Variants in STAG1 observed in about 807,000 individuals in gnomAD.
STAG1 encodes cohesin subunit SA-1.
A neutral mutation model predicts 170.9 loss-of-function variants in STAG1; 26 were observed. That is an observed-to-expected ratio of 0.15 (90% CI 0.11 to 0.21). The LOEUF (loss-of-function observed/expected upper bound fraction) is 0.21. Ranked by LOEUF, STAG1 falls within the 10% of genes least tolerant of loss-of-function variation. The pLI, the probability that STAG1 is intolerant of heterozygous loss-of-function variation, is 1.00. For synonymous variants in STAG1, 514 were observed against 497.7 expected (o/e 1.03, Z -0.44); for missense variants, 964 against 1,509.5 (o/e 0.64, Z 5.99).
chr3:136,709,193 G>A (rs1433624399), intron 1 of STAG1, among the ~76,000 whole-genome samples: 2 of 151,948 alleles, frequency 1.3e-5, no homozygotes, highest in Non-Finnish European at 2.9e-5. Context: ...AGGAGGCTGA[G>A]GCAGGAGATT....
At chr3:136,396,233 T>TG (rs2087150853) in intron 22 of STAG1, among the ~76,000 whole-genome samples, 1 of 145,832 alleles carries the variant, frequency 6.9e-6, no homozygotes, top group Admixed American at 6.9e-5. Context: ...TTTTTTTTTT[T>TG]GAGACAGAGT....
At chr3:136,716,949 A>T (rs1943555766) in intron 1 of STAG1, among the ~76,000 whole-genome samples, 1 of 152,246 alleles carries the variant, frequency 6.6e-6, no homozygotes, top group South Asian at 2.1e-4. Flanking sequence ...ATTACTTCAC[A>T]GTTACGAATT....
chr3:136,369,115 C>G lies in STAG1; in HGVS notation c.2538G>C (p.Gln846His). ...GATGATAGCTACAAGTACCCATGCT[C>G]TGGTTCTCCTCGTCTTGGTCAATAA... ...HVFIDQDEEN[Q>H]SMEGDEEDEA... is the part of the protein sequence containing the mutation. Residue 846 changes from glutamine to histidine, a missense_variant, in exon 24 of 34, where the codon CAG becomes CAC. Physicochemically the swap from Gln to His is conservative, Grantham distance 24 (BLOSUM62 0). Coordinates refer to ENST00000383202, the MANE Select transcript of STAG1 (RefSeq NM_005862.3). 6.5e-7 allele frequency: 1 copy of G among 1,535,498 alleles called. No homozygotes were observed. The highest frequency in any genetic ancestry group is 8.7e-7 in the Non-Finnish European group (1 of 1,146,540).
chr3:136,525,458 T>C (rs1039428686), intron 6 of STAG1, among the ~76,000 whole-genome samples: 2 of 152,208 alleles, frequency 1.3e-5, no homozygotes, highest in Non-Finnish European at 2.9e-5. Flanking sequence ...TTATCATTTT[T>C]TATTGCGTCT....
intron 21 of STAG1, among the ~76,000 whole-genome samples, chr3:136,399,577 C>T (rs1030288046): frequency 6.6e-6 from 1 of 152,006 alleles, no homozygotes; most frequent in African/African-American, 2.4e-5. Context: ...TTTTTAGTTC[C>T]GTGTAATATT....
At chr3:136,362,010 CA>C (rs758225380) in intron 26 of STAG1, among the ~76,000 whole-genome samples, 7 of 152,002 alleles carry the variant, frequency 4.6e-5, no homozygotes, top group Admixed American at 1.3e-4. Context: ...GGCTGGAGTG[CA>C]ATGGCATGAT....
At chr3:136,386,236 G>C (rs2086870446) in intron 22 of STAG1, among the ~76,000 whole-genome samples, 1 of 152,146 alleles carries the variant, frequency 6.6e-6, no homozygotes, top group Non-Finnish European at 1.5e-5. Flanking sequence ...CTACTCAGGA[G>C]GCTGAGGCAG....
At chr3:136,373,382 G>T (rs919431309) in intron 23 of STAG1, among the ~76,000 whole-genome samples, 25 of 151,766 alleles carry the variant, frequency 1.6e-4, no homozygotes, top group African/African-American at 2.4e-4. Flanking sequence ...ATTTCTTGCC[G>T]TCTGCTAGCT....
intron 15 of STAG1, 112 bp downstream of exon 15, chr3:136,443,175 A>G: frequency 1.6e-6 from 1 of 620,390 alleles, no homozygotes; most frequent in Non-Finnish European, 2.7e-6. Context: ...CTCTTGGCAA[A>G]AAGACACAAC....
At chr3:136,717,524 T>C (rs1943572706) in intron 1 of STAG1, among the ~76,000 whole-genome samples, 2 of 151,898 alleles carry the variant, frequency 1.3e-5, no homozygotes, top group Non-Finnish European at 2.9e-5. Flanking sequence ...ATTAACCGAG[T>C]GTGGTGACAG....
intron 22 of STAG1, among the ~76,000 whole-genome samples, chr3:136,397,905 TTCACTTTGTGTC>T (rs1475129692): frequency 6.6e-6 from 1 of 152,184 alleles, no homozygotes; most frequent in African/African-American, 2.4e-5. Flanking sequence ...AAGAGGGTTG[TTCACTTTGTGTC>T]TCTAGGTATC....
intron 1 of STAG1, among the ~76,000 whole-genome samples, chr3:136,673,295 A>AT (rs990177005): frequency 2.6e-5 from 4 of 152,198 alleles, no homozygotes; most frequent in African/African-American, 9.6e-5. Flanking sequence ...AATGTACTGA[A>AT]TGAGTTTGCT....
intron 2 of STAG1, among the ~76,000 whole-genome samples, chr3:136,624,237 T>A (rs570743265): frequency 6.6e-6 from 1 of 152,104 alleles, no homozygotes; most frequent in East Asian, 2.0e-4. Flanking sequence ...TAGCTGGGAC[T>A]ACAGGCACCC....
chr3:136,722,316 A>G (rs1230694620), intron 1 of STAG1, among the ~76,000 whole-genome samples: 1 of 152,182 alleles, frequency 6.6e-6, no homozygotes, highest in African/African-American at 2.4e-5. Flanking sequence ...TAAAATTTAT[A>G]CTTTAGTTTT....
At chr3:136,359,745 G>A (rs1005684973) in intron 26 of STAG1, among the ~76,000 whole-genome samples, 2 of 152,176 alleles carry the variant, frequency 1.3e-5, no homozygotes, top group African/African-American at 4.8e-5. Flanking sequence ...CTGTCCTCAA[G>A]TGATCCGCCT....
At chr3:136,729,269 G>A (rs35570180) in intron 1 of STAG1, among the ~76,000 whole-genome samples, 65 of 152,194 alleles carry the variant, frequency 4.3e-4, no homozygotes, top group Middle Eastern at 6.8e-3. Context: ...GCCTCCCAAA[G>A]TGTTGGGATT....
chr3:136,378,686 C>T (rs771390112), intron 22 of STAG1, among the ~76,000 whole-genome samples: 5 of 152,074 alleles, frequency 3.3e-5, no homozygotes, highest in African/African-American at 1.2e-4. Context: ...TTAAATTTAT[C>T]GAGTGCTTAC....
intron 23 of STAG1, among the ~76,000 whole-genome samples, chr3:136,369,797 G>A (rs971206484): frequency 4.6e-5 from 7 of 152,074 alleles, no homozygotes; most frequent in Non-Finnish European, 7.4e-5. Flanking sequence ...TGATGTTTCC[G>A]TCAATAATGA....
intron 7 of STAG1, among the ~76,000 whole-genome samples, chr3:136,510,551 C>A: frequency 6.6e-6 from 1 of 151,778 alleles, no homozygotes. Context: ...GTTAGCATTA[C>A]AGGCGTGAGC....
Sources: gnomAD v4.1 joint callset for allele counts (sites outside exome capture counted in the v4.1 genomes callset) on GRCh38, gnomAD v4.1.1 for gene constraint, MANE v1.5 for transcripts, NCBI Gene and HGNC (gene_info 2026-07-23, HGNC 2026-07-21) for gene names.